NFIB: variants seen among roughly 807,000 people sequenced by gnomAD.
NFIB encodes the protein nuclear factor 1 B-type.
NFIB carries 11 observed loss-of-function variants against 61.5 expected under a neutral mutation model. The ratio of observed to expected loss-of-function variants is 0.18; its 90% CI spans 0.11 to 0.30. The LOEUF (loss-of-function observed/expected upper bound fraction) is 0.30, where lower values mean the gene tolerates loss of function less well. Among genes scored for constraint, NFIB ranks in the 10% least tolerant of loss-of-function variants. The pLI, the probability that NFIB is intolerant of heterozygous loss-of-function variation, is 1.00. For missense variants in NFIB, 471 were observed against 608.9 expected (o/e 0.77, Z 2.38); for synonymous variants, 260 against 216.5 (o/e 1.20, Z -1.76).
intron 6 of NFIB, among the ~76,000 whole-genome samples, chr9:14,136,389 T>G (rs2041048430): frequency 6.6e-6 from 1 of 152,108 alleles, no homozygotes; most frequent in Non-Finnish European, 1.5e-5. Context: ...CGGGAAAACC[T>G]CTTGGCTATG....
At chr9:14,438,268 G>A in the NFIB span, among the ~76,000 whole-genome samples, 18 of 152,286 alleles carry the variant, frequency 1.2e-4, no homozygotes, top group Admixed American at 6.5e-4. Flanking sequence ...CAAGTCAATT[G>A]CAGGTCCAGA....
At chr9:14,093,430 G>C (rs868641221) in intron 10 of NFIB, 21 of 151,844 alleles carry the variant, frequency 1.4e-4, no homozygotes, top group Admixed American at 3.9e-4. Context: ...CAGGAAAAAA[G>C]CACAAAGAGT....
intron 1 of NFIB, among the ~76,000 whole-genome samples, chr9:14,320,426 A>C (rs2132813342): frequency 6.6e-6 from 1 of 152,236 alleles, no homozygotes; most frequent in South Asian, 2.1e-4. Flanking sequence ...GGAGTGCTTG[A>C]CCTTTGCCCA....
At chr9:14,175,899 A>G (rs1339493137) in intron 3 of NFIB, among the ~76,000 whole-genome samples, 1 of 152,236 alleles carries the variant, frequency 6.6e-6, no homozygotes, top group Non-Finnish European at 1.5e-5. Flanking sequence ...ATAAGACATT[A>G]GTTTGGAACT....
At chr9:14,295,154 G>GAA in intron 2 of NFIB, among the ~76,000 whole-genome samples, 1 of 152,288 alleles carries the variant, frequency 6.6e-6, no homozygotes, top group South Asian at 2.1e-4. Context: ...TAACACGATA[G>GAA]AAAAGGAGGA....
At chr9:14,369,160 T>TA (rs1300749258) in intron 1 of NFIB, among the ~76,000 whole-genome samples, 1 of 152,188 alleles carries the variant, frequency 6.6e-6, no homozygotes, top group African/African-American at 2.4e-5. Context: ...TAAGCGAGGT[T>TA]AAACAGTAAC....
intron 3 of NFIB, among the ~76,000 whole-genome samples, chr9:14,164,536 G>C (rs564049258): frequency 6.6e-6 from 1 of 152,208 alleles, no homozygotes; most frequent in African/African-American, 2.4e-5. Flanking sequence ...TATGTAATCT[G>C]TCTTCGACTG....
At chr9:14,255,259 T>C (rs2132173308) in intron 2 of NFIB, among the ~76,000 whole-genome samples, 1 of 152,250 alleles carries the variant, frequency 6.6e-6, no homozygotes, top group African/African-American at 2.4e-5. Flanking sequence ...GAAACTTGGC[T>C]GAACCATGAG....
intron 2 of NFIB, among the ~76,000 whole-genome samples, chr9:14,227,946 A>G (rs971068398): frequency 5.9e-5 from 9 of 152,162 alleles, no homozygotes; most frequent in Non-Finnish European, 1.2e-4. Context: ...TACATAATTT[A>G]TTTTTATATA....
At chr9:14,414,039 G>A in the NFIB span, among the ~76,000 whole-genome samples, 2 of 152,092 alleles carry the variant, frequency 1.3e-5, no homozygotes, top group African/African-American at 4.8e-5. Context: ...AGCACTTATT[G>A]TAATTATTAG....
rs1271578456 is a variant in NFIB, at chr9:14,120,971, A to C, written c.1061-347T>G. Reference sequence around the variant, plus strand: ...CGTTGAAAACATATTCTTTGATTATAAAATCTTTAGGCCGGGTGCAGTAGC... The same window carrying C: ...CGTTGAAAACATATTCTTTGATTATCAAATCTTTAGGCCGGGTGCAGTAGC... On this transcript the variant is annotated intron_variant, in intron 7 of 10. Transcript: ENST00000380953. The surrounding 1 kb of genome is among the most constrained non-coding windows in gnomAD (Gnocchi z 4.4). 3.3e-5 allele frequency among the ~76,000 whole-genome samples: 5 copies of C among 152,182 alleles called. No homozygotes were observed. Among genetic ancestry groups the C allele is most frequent in the African/African-American group, 4.8e-5 (2 of 41,450 alleles).
intron 2 of NFIB, among the ~76,000 whole-genome samples, chr9:14,202,435 A>G (rs2049144728): frequency 6.6e-6 from 1 of 152,190 alleles, no homozygotes; most frequent in Non-Finnish European, 1.5e-5. Context: ...AGAGTCAAAT[A>G]CTATTTTAGG....
intron 6 of NFIB, among the ~76,000 whole-genome samples, chr9:14,133,154 C>T (rs2040599822): frequency 6.6e-6 from 1 of 152,072 alleles, no homozygotes; most frequent in Non-Finnish European, 1.5e-5. Flanking sequence ...ATTTTTTGGA[C>T]TTTTGAAAGT....
At chr9:14,245,643 C>T (rs910428378) in intron 2 of NFIB, among the ~76,000 whole-genome samples, 1 of 152,056 alleles carries the variant, frequency 6.6e-6, no homozygotes, top group African/African-American at 2.4e-5. Flanking sequence ...GAGGCAAAGG[C>T]AGGTGGATTA....
intron 2 of NFIB, among the ~76,000 whole-genome samples, chr9:14,213,159 ATCT>A (rs2050490381): frequency 6.6e-6 from 1 of 152,172 alleles, no homozygotes; most frequent in Non-Finnish European, 1.5e-5. Context: ...TGCTATGATA[ATCT>A]TCTCACTGCC....
intron 2 of NFIB, among the ~76,000 whole-genome samples, chr9:14,250,491 A>G (rs896595306): frequency 6.6e-6 from 1 of 152,232 alleles, no homozygotes; most frequent in Non-Finnish European, 1.5e-5. Context: ...GTGTCCCAAG[A>G]TAAATGATAC....
chr9:14,371,983 A>G (rs2132973952), intron 1 of NFIB, among the ~76,000 whole-genome samples: 1 of 152,312 alleles, frequency 6.6e-6, no homozygotes, highest in African/African-American at 2.4e-5. Flanking sequence ...GGGAGGTCCA[A>G]GAACTCTTGG....
At chr9:14,196,219 C>G (rs1215614608) in intron 2 of NFIB, among the ~76,000 whole-genome samples, 1 of 152,120 alleles carries the variant, frequency 6.6e-6, no homozygotes, top group African/African-American at 2.4e-5. Flanking sequence ...AAGGCCATTA[C>G]TCCTCCCATG....
At chr9:14,253,157 T>A (rs933360893) in intron 2 of NFIB, among the ~76,000 whole-genome samples, 1 of 152,238 alleles carries the variant, frequency 6.6e-6, no homozygotes, top group East Asian at 1.9e-4. Context: ...CTACAGTTAG[T>A]GTTCCCTGAT....
Sources: gnomAD v4.1 joint callset for allele counts (sites outside exome capture counted in the v4.1 genomes callset) on GRCh38, gnomAD v4.1.1 for gene constraint, Gnocchi (gnomAD v3.1) non-coding constraint, MANE v1.5 for transcripts, NCBI Gene and HGNC (gene_info 2026-07-23, HGNC 2026-07-21) for gene names.